TMEM39A: variants seen among roughly 807,000 people sequenced by gnomAD.
TMEM39A encodes suppressor of SQST-1 aggregates in rpl-43 mutants.
Under a neutral mutation model 51.9 loss-of-function variants are expected in TMEM39A, and 19 were observed. That is an observed-to-expected ratio of 0.37 (90% confidence interval 0.26 to 0.54). TMEM39A has a LOEUF of 0.54. Among genes scored for constraint, TMEM39A ranks in the 20% least tolerant of loss-of-function variants. The pLI is 0.88. For missense variants in TMEM39A, 433 were observed against 590.5 expected (o/e 0.73, Z 2.76); for synonymous variants, 197 against 220.2 (o/e 0.89, Z 0.93).
At position 119,431,187 on chromosome 3, in the gene TMEM39A, TC is replaced by T. The variant is rs1443874377; in HGVS notation, c.*793del. ...CCCAGTTACTTGGAATTTTCAACCT[TC>T]CCATACTCTAGCCCACATGGCATTT... is the stretch of plus-strand genomic sequence containing the variant. On this transcript the variant is annotated 3_prime_UTR_variant, in exon 9 of 9. Transcript: ENST00000319172. The T allele has an allele frequency of 6.6e-6, 1 of 152,124 alleles. No individual in the cohort carries two copies. The allele number at this position is 152,124 out of a possible 1,614,324, so 9.4% of individuals were successfully genotyped here.
At chr3:119,435,278 G>A (rs1288911414) in intron 7 of TMEM39A, 5 of 985,208 alleles carry the variant, frequency 5.1e-6, no homozygotes, top group Non-Finnish European at 4.8e-6. Flanking sequence ...ATGGTAATAA[G>A]AATAGTGGAG....
At chr3:119,435,719 T>G in intron 7 of TMEM39A, 1 of 1,002,510 alleles carries the variant, frequency 1.0e-6, no homozygotes. Context: ...GCTTTCCCAG[T>G]TCAGAAAATG....
intron 1 of TMEM39A, 59 bp from the exon 2 acceptor site, chr3:119,462,207 A>G (rs559471683): frequency 1.6e-6 from 1 of 630,514 alleles, no homozygotes; most frequent in East Asian, 2.8e-5. Flanking sequence ...AGGCAACAAA[A>G]CAACGACAAA....
At chr3:119,443,272 G>A (rs2081080412) in intron 5 of TMEM39A, among the ~76,000 whole-genome samples, 1 of 152,118 alleles carries the variant, frequency 6.6e-6, no homozygotes, top group African/African-American at 2.4e-5. Context: ...AGCAGCAATA[G>A]GGTTTGAGAG....
Position 119,432,037 on chromosome 3 carries a change from C to T in TMEM39A, c.1411G>A (p.Val471Ile). The T allele has an allele frequency of 1.2e-6, 2 of 1,613,118 alleles. No homozygotes were observed. Among genetic ancestry groups the T allele is most frequent in the South Asian group, 2.2e-5 (2 of 91,044 alleles). The change falls in exon 9 of 9, where the codon GTA (valine) becomes ATA (isoleucine). Residue 471 changes from valine (V) to isoleucine (I), a missense_variant. Val to Ile is a conservative substitution (Grantham distance 29). Coordinates refer to ENST00000319172, the MANE Select transcript of TMEM39A (RefSeq NM_018266.3). Reference protein sequence around the residue: ...VLFKLLRDRIVLGRAYSYPLN... With the variant: ...VLFKLLRDRIILGRAYSYPLN... ...GGGTAGGAGTATGCCCTGCCTAATA[C>T]TATTCTGTCCCGGAGAAGTTTAAAT...
intron 4 of TMEM39A, among the ~76,000 whole-genome samples, chr3:119,450,826 CAAAAAAAAAAAA>C (rs60326718): frequency 3.6e-5 from 2 of 55,898 alleles, no homozygotes; most frequent in East Asian, 6.1e-4. Flanking sequence ...GACTCCATCT[CAAAAAAAAAAAA>C]AAAAAAAAAA....
intron 5 of TMEM39A, among the ~76,000 whole-genome samples, chr3:119,443,185 T>C (rs1421177616): frequency 1.3e-5 from 2 of 151,656 alleles, no homozygotes; most frequent in East Asian, 3.9e-4. Flanking sequence ...TGACATAAAA[T>C]CTATTTCTGG....
intron 3 of TMEM39A, 55 bp from the exon 4 acceptor site, chr3:119,452,585 G>T: frequency 7.2e-7 from 1 of 1,383,536 alleles, no homozygotes; most frequent in Non-Finnish European, 1.0e-6. Context: ...TATTCAGCTG[G>T]CACTACTACA....
intron 3 of TMEM39A, among the ~76,000 whole-genome samples, chr3:119,454,664 C>CCTGT (rs1465478017): frequency 6.6e-6 from 1 of 152,126 alleles, no homozygotes; most frequent in Non-Finnish European, 1.5e-5. Context: ...GTGGTGCATG[C>CCTGT]CTGTAATCCC....
At chr3:119,460,931 A>G (rs1577068314) in intron 2 of TMEM39A, among the ~76,000 whole-genome samples, 1 of 152,208 alleles carries the variant, frequency 6.6e-6, no homozygotes, top group East Asian at 1.9e-4. Context: ...GCATTTTCGC[A>G]TATTCTCATT....
At chr3:119,446,206 A>G (rs1185596646) in intron 5 of TMEM39A, among the ~76,000 whole-genome samples, 1 of 152,250 alleles carries the variant, frequency 6.6e-6, no homozygotes, top group Non-Finnish European at 1.5e-5. Context: ...TACTAAGTCA[A>G]GAACTTTCCC....
chr3:119,460,451 G>A (rs754011126), intron 2 of TMEM39A, among the ~76,000 whole-genome samples: 33 of 152,144 alleles, frequency 2.2e-4, no homozygotes, highest in African/African-American at 7.0e-4. Context: ...ATAGCAGAAC[G>A]CTTTATTTTC....
chr3:119,440,166 G>C (rs983887198), intron 5 of TMEM39A, among the ~76,000 whole-genome samples: 1 of 152,172 alleles, frequency 6.6e-6, no homozygotes, highest in African/African-American at 2.4e-5. Context: ...CAAGCTGCAT[G>C]TGTAGGTGTA....
rs1455152629 is a variant in TMEM39A at position 119,458,249 on chromosome 3, G to A, written c.114-9C>T. The A allele has an allele frequency of 1.9e-6, 3 of 1,612,502 alleles. No homozygotes were observed. In the East Asian group the frequency reaches 6.7e-5, roughly 36 times the overall value. The stretch of plus-strand genomic sequence containing the variant: ...CAATAGCACTACCATTCCTGAAAGA[G>A]AAAACTATGGTTAACTCAAATGGTG... On this transcript the variant is annotated splice_polypyrimidine_tract_variant and intron_variant, in intron 2 of 8. Transcript: ENST00000319172.
intron 2 of TMEM39A, among the ~76,000 whole-genome samples, chr3:119,459,022 G>C (rs1161600639): frequency 1.3e-5 from 2 of 152,200 alleles, no homozygotes; most frequent in African/African-American, 2.4e-5. Context: ...GCTCATTAGA[G>C]ACTTGATGCC....
chr3:119,449,739 T>C (rs1267780696), intron 4 of TMEM39A, among the ~76,000 whole-genome samples: 10 of 152,188 alleles, frequency 6.6e-5, no homozygotes, highest in Admixed American at 5.9e-4. Flanking sequence ...ACTATTTTCC[T>C]AGAAAAACAA....
rs1449375143 is a variant in TMEM39A at position 119,429,129 on chromosome 3, C to G, written c.*2852G>C. On this transcript the variant is annotated 3_prime_UTR_variant, in exon 9 of 9. Coordinates refer to ENST00000319172, the MANE Select transcript of TMEM39A (RefSeq NM_018266.3). ...ACTCGAACATCACTATCTCCGGCAC[C>G]CAGCAGTGTTTGGCATATAATTGCC... 6.6e-6 allele frequency among the ~76,000 whole-genome samples: 1 copy of G among 151,834 alleles called. No homozygotes were observed. Among genetic ancestry groups the G allele is most frequent in the East Asian group, 1.9e-4 (1 of 5,190 alleles).
intron 3 of TMEM39A, among the ~76,000 whole-genome samples, chr3:119,456,120 G>A (rs1267887268): frequency 6.6e-6 from 1 of 152,116 alleles, no homozygotes; most frequent in Non-Finnish European, 1.5e-5. Flanking sequence ...ATATTTTAAT[G>A]TGTGTTCGTT....
rs1384120900 is a variant in TMEM39A, at chr3:119,436,738, T to C, written c.1112+53A>G. On this transcript the variant is annotated intron_variant, in intron 7 of 8. Coordinates refer to ENST00000319172, the MANE Select transcript of TMEM39A (RefSeq NM_018266.3). The stretch of plus-strand genomic sequence containing the variant: ...GAATGACATACAAAGCAAATAAACA[T>C]GATCAGCAGCATGTAGAAAGTGTTA... The C allele has an allele frequency of 4.6e-6, 7 of 1,518,590 alleles. No homozygotes were observed. In the South Asian group the frequency reaches 6.2e-5, roughly 13 times the overall value. 94.1% of individuals were successfully genotyped at this position (1,518,590 alleles called of 1,614,324 possible).
Sources: allele counts gnomAD v4.1 joint callset (sites outside exome capture counted in the v4.1 genomes callset), GRCh38; gene constraint gnomAD v4.1.1; transcripts MANE v1.5; gene names NCBI Gene and HGNC (gene_info 2026-07-23, HGNC 2026-07-21).